SNX13: variants seen among roughly 807,000 people sequenced by gnomAD.
SNX13 encodes sorting nexin 13, also known as sorting nexin-13.
In SNX13, 45 loss-of-function variants were observed where a neutral mutation model predicts 133.6. The observed-to-expected ratio is 0.34, with a 90% CI of 0.27 to 0.43. SNX13 has a LOEUF of 0.43. Among genes scored for constraint, SNX13 ranks in the 20% least tolerant of loss-of-function variants. The pLI is 1.00. For synonymous variants in SNX13, 414 were observed against 373.9 expected (o/e 1.11, Z -1.24); for missense variants, 1,032 against 1,145.1 (o/e 0.90, Z 1.43).
intron 9 of SNX13, among the ~76,000 whole-genome samples, chr7:17,864,949 T>A (rs1162605746): frequency 6.6e-6 from 1 of 152,056 alleles, no homozygotes; most frequent in Non-Finnish European, 1.5e-5. Context: ...CATTCATACA[T>A]TCAAAGTGCT....
Position 17,897,292 on chromosome 7 carries a change from A to T in SNX13, c.125+42T>A, listed in dbSNP as rs745877351. ...AGTCATTTGTTTCCATTTTAACAAG[A>T]TATGACACATGAATTATAAAATTAT... is the stretch of plus-strand genomic sequence containing the variant. On this transcript the variant is annotated intron_variant, in intron 2 of 25. Coordinates refer to ENST00000428135, the MANE Select transcript of SNX13 (RefSeq NM_015132.5). 4 of 1,122,932 alleles carry T rather than the reference A, an allele frequency of 3.6e-6. No homozygotes were observed. In the South Asian group the frequency reaches 8.3e-5, roughly 23 times the overall value. The allele number at this position is 1,122,932 out of a possible 1,614,324, so 69.6% of individuals were successfully genotyped here. A position where few individuals can be genotyped will look rare whatever the true frequency, so the allele number is the denominator to read the frequency against.
chr7:17,795,190 G>A (rs964136847), intron 25 of SNX13: 3 of 151,588 alleles, frequency 2.0e-5, no homozygotes, highest in African/African-American at 7.3e-5. Context: ...CAAATTTGGT[G>A]TTTAATCATA....
chr7:17,905,683 G>A (rs984304527), intron 1 of SNX13, among the ~76,000 whole-genome samples: 1 of 152,168 alleles, frequency 6.6e-6, no homozygotes, highest in African/African-American at 2.4e-5. Flanking sequence ...CAAATGTTGA[G>A]GCTGCTCAAC....
At chr7:17,898,206 C>T (rs1797424729) in intron 1 of SNX13, 1 of 152,070 alleles carries the variant, frequency 6.6e-6, no homozygotes. Context: ...TTCAATTCAA[C>T]AAGTTCCTAC....
At chr7:17,869,879 G>GACACACAC (rs10569996) in intron 8 of SNX13, among the ~76,000 whole-genome samples, 1 of 149,394 alleles carries the variant, frequency 6.7e-6, no homozygotes, top group South Asian at 2.1e-4. Context: ...CACACACACA[G>GACACACAC]ACACACACAC....
At chr7:17,890,558 T>G in intron 4 of SNX13, 74 bp from the exon 5 acceptor site, 1 of 1,158,098 alleles carries the variant, frequency 8.6e-7, no homozygotes, top group Non-Finnish European at 1.2e-6. Context: ...ACTAAAAAAG[T>G]ATGCTGTATC....
intron 1 of SNX13, among the ~76,000 whole-genome samples, chr7:17,919,850 G>A (rs912482329): frequency 2.0e-5 from 3 of 152,070 alleles, no homozygotes; most frequent in African/African-American, 7.3e-5. Flanking sequence ...TTACTTTTGG[G>A]CTGGACAGGG....
At chr7:17,821,411 T>A in intron 18 of SNX13, 98 bp downstream of exon 18, 1 of 1,208,356 alleles carries the variant, frequency 8.3e-7, no homozygotes, top group Admixed American at 2.3e-5. Flanking sequence ...CTTACCTTAT[T>A]TTTTTAATTA....
At chr7:17,850,005 G>A (rs968889807) in intron 11 of SNX13, among the ~76,000 whole-genome samples, 4 of 152,228 alleles carry the variant, frequency 2.6e-5, no homozygotes, top group African/African-American at 9.6e-5. Flanking sequence ...TCCACGAAAA[G>A]AGTCTGTCTG....
chr7:17,853,265 G>A (rs1791456642), intron 9 of SNX13, among the ~76,000 whole-genome samples: 2 of 152,128 alleles, frequency 1.3e-5, no homozygotes, highest in South Asian at 2.1e-4. Context: ...AGCAAATAAA[G>A]TTAAAGAGGT....
intron 22 of SNX13, among the ~76,000 whole-genome samples, chr7:17,801,220 C>T (rs1193797708): frequency 1.3e-5 from 2 of 151,206 alleles, no homozygotes; most frequent in African/African-American, 4.9e-5. Flanking sequence ...GAACTAAAAT[C>T]ATACAAAACC....
chr7:17,896,917 G>C (rs907826560), intron 2 of SNX13, among the ~76,000 whole-genome samples: 1 of 151,956 alleles, frequency 6.6e-6, no homozygotes, highest in African/African-American at 2.4e-5. Context: ...ATTCATTAAA[G>C]GAAAAAATTA....
intron 9 of SNX13, among the ~76,000 whole-genome samples, chr7:17,853,278 A>C (rs1423153250): frequency 6.6e-6 from 1 of 152,356 alleles, no homozygotes; most frequent in East Asian, 1.9e-4. Flanking sequence ...AAAGAGGTAA[A>C]GAAGTACAGG....
chr7:17,898,601 A>G (rs1265535049), intron 1 of SNX13, among the ~76,000 whole-genome samples: 1 of 152,188 alleles, frequency 6.6e-6, no homozygotes, highest in Non-Finnish European at 1.5e-5. Flanking sequence ...ATACCTTCAT[A>G]AGTTTACATT....
At chr7:17,800,486 A>G (rs1453470535) in intron 22 of SNX13, among the ~76,000 whole-genome samples, 2 of 151,796 alleles carry the variant, frequency 1.3e-5, no homozygotes, top group African/African-American at 4.8e-5. Flanking sequence ...TTCAATCCAT[A>G]TACAAAAATC....
At chr7:17,864,789 A>AG (rs1793167175) in intron 9 of SNX13, among the ~76,000 whole-genome samples, 1 of 149,588 alleles carries the variant, frequency 6.7e-6, no homozygotes, top group African/African-American at 2.5e-5. Flanking sequence ...AAGGAGGAGA[A>AG]GGGGGAGGGG....
chr7:17,927,265 C>G (rs111475962), intron 1 of SNX13, among the ~76,000 whole-genome samples: 34 of 150,752 alleles, frequency 2.3e-4, no homozygotes, highest in African/African-American at 8.3e-4. Flanking sequence ...ATATTAGAAA[C>G]AGTGTCTCAC....
chr7:17,878,760 G>A (rs1203574183), intron 5 of SNX13, among the ~76,000 whole-genome samples: 1 of 152,162 alleles, frequency 6.6e-6, no homozygotes, highest in Non-Finnish European at 1.5e-5. Context: ...CATACGGAAA[G>A]CCCTTGTGTA....
At chr7:17,937,105 T>C (rs1400312220) in intron 1 of SNX13, among the ~76,000 whole-genome samples, 1 of 150,088 alleles carries the variant, frequency 6.7e-6, no homozygotes, top group Admixed American at 6.6e-5. Context: ...TACATAAATA[T>C]GACTAGCAAG....
Sources: gnomAD v4.1 joint callset for allele counts (sites outside exome capture counted in the v4.1 genomes callset) on GRCh38, gnomAD v4.1.1 for gene constraint, MANE v1.5 for transcripts, NCBI Gene and HGNC (gene_info 2026-07-23, HGNC 2026-07-21) for gene names.